TBC1D12: variants seen among roughly 807,000 people sequenced by gnomAD.
TBC1D12 encodes the protein TBC1 domain family member 12, also known as TBC1 domain family, member 12.
A neutral mutation model predicts 86.7 loss-of-function variants in TBC1D12; 56 were observed. That is an observed-to-expected ratio of 0.65 (90% CI 0.52 to 0.81). TBC1D12 has a LOEUF of 0.81. Ranked by LOEUF, TBC1D12 falls within the 30% of genes least tolerant of loss-of-function variation. The probability of loss-of-function intolerance (pLI) is 0.00; values close to 1 mark genes in which losing one functional copy is unlikely to be tolerated. For missense variants in TBC1D12, 1,023 were observed against 1,038.8 expected (o/e 0.98, Z 0.21); for synonymous variants, 421 against 411.7 (o/e 1.02, Z -0.27).
intron 2 of TBC1D12, among the ~76,000 whole-genome samples, chr10:94,446,563 A>AT (rs34525105): frequency 6.6e-6 from 1 of 151,558 alleles, no homozygotes; most frequent in Non-Finnish European, 1.5e-5. Context: ...TTGAAAAAAA[A>AT]TTTTTTTTTG....
chr10:94,473,198 C>CAAAA (rs529280932), intron 2 of TBC1D12, among the ~76,000 whole-genome samples: 5 of 132,996 alleles, frequency 3.8e-5, no homozygotes, highest in African/African-American at 1.4e-4. Context: ...ACTAAAAATA[C>CAAAA]AAAAAAAAAA....
intron 2 of TBC1D12, among the ~76,000 whole-genome samples, chr10:94,453,469 CTATTT>C (rs943817501): frequency 2.0e-5 from 3 of 151,956 alleles, no homozygotes; most frequent in East Asian, 1.9e-4. Flanking sequence ...TATAATTGCT[CTATTT>C]TATTATTGTT....
At position 94,493,423 on chromosome 10, in the gene TBC1D12, A is replaced by G; in HGVS notation, c.1270A>G (p.Met424Val). The change falls in exon 4 of 13, where the codon ATG becomes GTG. Residue 424 changes from methionine (M) to valine (V), a missense_variant. By Grantham distance (21) the Met-to-Val change is conservative. Coordinates refer to ENST00000225235, the MANE Select transcript of TBC1D12 (RefSeq NM_015188.2). The part of the protein sequence containing the change: ...ALRHRQEYDE[M>V]VAEAKKREIK... ...ACGTCACCGACAAGAATACGATGAG[A>G]TGGTGGCTGAGGCTAAAAAACGAGG... The G allele has an allele frequency of 6.2e-7, 1 of 1,612,748 alleles. No homozygotes were observed. The highest frequency in any genetic ancestry group is 1.1e-5 in the South Asian group (1 of 90,350).
chr10:94,491,683 GA>G (rs2056247139), intron 3 of TBC1D12, among the ~76,000 whole-genome samples: 2 of 152,300 alleles, frequency 1.3e-5, no homozygotes, highest in Admixed American at 1.3e-4. Flanking sequence ...CTAGGGACAT[GA>G]GTTCAGTTTA....
intron 1 of TBC1D12, among the ~76,000 whole-genome samples, chr10:94,416,064 A>G (rs2054994105): frequency 6.6e-6 from 1 of 152,184 alleles, no homozygotes; most frequent in Admixed American, 6.5e-5. Flanking sequence ...CTGGAACATA[A>G]ACTTTTGATT....
chr10:94,431,305 C>CT (rs2055211738), intron 1 of TBC1D12, among the ~76,000 whole-genome samples: 1 of 151,522 alleles, frequency 6.6e-6, no homozygotes, highest in Non-Finnish European at 1.5e-5. Flanking sequence ...ATCCCAGCTA[C>CT]TTGGGAGACT....
chr10:94,512,753 A>G (rs1366439199), intron 9 of TBC1D12, among the ~76,000 whole-genome samples: 1 of 152,218 alleles, frequency 6.6e-6, no homozygotes, highest in Non-Finnish European at 1.5e-5. Flanking sequence ...ATCGTAAGAT[A>G]GTCCTTATAG....
At chr10:94,419,582 T>G (rs1395993282) in intron 1 of TBC1D12, among the ~76,000 whole-genome samples, 1 of 151,982 alleles carries the variant, frequency 6.6e-6, no homozygotes, top group Non-Finnish European at 1.5e-5. Flanking sequence ...GGCAGGAGAA[T>G]TCCATGAATC....
intron 1 of TBC1D12, among the ~76,000 whole-genome samples, chr10:94,439,306 G>T (rs1352762249): frequency 1.3e-5 from 2 of 152,132 alleles, no homozygotes; most frequent in Admixed American, 6.5e-5. Context: ...TGGTGACAAA[G>T]ATTTTTTCTT....
chr10:94,419,494 G>A (rs543168833), intron 1 of TBC1D12, among the ~76,000 whole-genome samples: 7 of 151,984 alleles, frequency 4.6e-5, no homozygotes, highest in African/African-American at 1.7e-4. Context: ...CCAACATGGT[G>A]AAACCCCGTC....
At chr10:94,531,779 T>TTTATTTTATG (rs1261017962) in intron 12 of TBC1D12, among the ~76,000 whole-genome samples, 9 of 140,844 alleles carry the variant, frequency 6.4e-5, no homozygotes, top group South Asian at 2.2e-4. Context: ...TTTATGTTAT[T>TTTATTTTATG]TTATTTTATG....
chr10:94,512,023 A>C (rs1430588524), intron 9 of TBC1D12, among the ~76,000 whole-genome samples: 2 of 152,158 alleles, frequency 1.3e-5, no homozygotes, highest in Non-Finnish European at 2.9e-5. Context: ...CTGTCCCTAA[A>C]GGATAGGGGA....
Position 94,521,214 on chromosome 10 carries a change from A to G in TBC1D12, c.1762-741A>G, listed in dbSNP as rs576646124. On this transcript the variant is annotated intron_variant, in intron 9 of 12. Coordinates refer to ENST00000225235, the MANE Select transcript of TBC1D12 (RefSeq NM_015188.2). ...TTGAGTGAGACCCTGCTTCAAAAAA[A>G]AGAAACCAAAAAAAAAAAAAAAACA... Among the ~76,000 whole-genome samples, 918 of 146,798 alleles carry G rather than the reference A, an allele frequency of 6.3e-3. 2 individuals carry two copies. Among genetic ancestry groups the G allele is most frequent in the Non-Finnish European group, 9.6e-3 (648 of 67,198 alleles).
chr10:94,457,247 C>T (rs1216737064), intron 2 of TBC1D12, among the ~76,000 whole-genome samples: 1 of 152,068 alleles, frequency 6.6e-6, no homozygotes, highest in Non-Finnish European at 1.5e-5. Context: ...TAATGCTCTC[C>T]CTCCCCTTGT....
chr10:94,422,192 T>G (rs1269854845), intron 1 of TBC1D12, among the ~76,000 whole-genome samples: 2 of 146,960 alleles, frequency 1.4e-5, no homozygotes, highest in Admixed American at 6.8e-5. Context: ...GTAGTTTTTT[T>G]TTTTTTTTTT....
chr10:94,439,664 A>G (rs537133574), intron 1 of TBC1D12, among the ~76,000 whole-genome samples: 33 of 152,292 alleles, frequency 2.2e-4, no homozygotes, highest in African/African-American at 7.9e-4. Flanking sequence ...TTTCTCCTTC[A>G]GTGTCCCTTT....
Position 94,502,288 on chromosome 10 carries a change from C to T in TBC1D12, c.1519+1961C>T, listed in dbSNP as rs1034004707. ...CGAAGGTTGCAGTGAGCCGAGATTG[C>T]GTCATTGCACTCCAGCCTGGGCAAC... On this transcript the variant is annotated intron_variant, in intron 6 of 12. Coordinates refer to ENST00000225235, the MANE Select transcript of TBC1D12 (RefSeq NM_015188.2). 7.2e-5 allele frequency among the ~76,000 whole-genome samples: 11 copies of T among 151,974 alleles called. No individual in the cohort carries two copies. In the South Asian group the frequency reaches 1.7e-3, roughly 23 times the overall value.
chr10:94,514,012 G>A (rs1348358138), intron 9 of TBC1D12, among the ~76,000 whole-genome samples: 2 of 148,328 alleles, frequency 1.3e-5, no homozygotes, highest in Non-Finnish European at 3.0e-5. Context: ...GTTATTAGTT[G>A]TATTTGCCAT....
At chr10:94,411,399 A>G (rs1455474253) in intron 1 of TBC1D12, among the ~76,000 whole-genome samples, 2 of 152,174 alleles carry the variant, frequency 1.3e-5, no homozygotes, top group African/African-American at 2.4e-5. Context: ...GAACTAGTGC[A>G]GTTGTTTGTA....
Sources: gnomAD v4.1 joint callset for allele counts (sites outside exome capture counted in the v4.1 genomes callset) on GRCh38, gnomAD v4.1.1 for gene constraint, MANE v1.5 for transcripts, NCBI Gene and HGNC (gene_info 2026-07-23, HGNC 2026-07-21) for gene names.